Variants in PEPD observed in about 807,000 individuals in gnomAD.
PEPD encodes the protein xaa-Pro dipeptidase.
In PEPD, 53 loss-of-function variants were observed where a neutral mutation model predicts 60.7. That is an observed-to-expected ratio of 0.87 (90% CI 0.70 to 1.10). PEPD has a LOEUF of 1.10. PEPD is among the 50% of genes least tolerant of loss of function. The pLI is 0.00. For synonymous variants in PEPD, 267 were observed against 284.1 expected (o/e 0.94, Z 0.60); for missense variants, 711 against 711.9 (o/e 1.00, Z 0.01).
intron 9 of PEPD, among the ~76,000 whole-genome samples, chr19:33,457,709 AC>A (rs898027587): frequency 1.3e-5 from 2 of 152,188 alleles, no homozygotes; most frequent in African/African-American, 4.8e-5. Flanking sequence ...ACGCGGTTTC[AC>A]CGCGTTAGCC....
At chr19:33,498,729 GAGACA>G (rs1328477441) in intron 4 of PEPD, among the ~76,000 whole-genome samples, 19 of 151,766 alleles carry the variant, frequency 1.3e-4, no homozygotes, top group Admixed American at 6.6e-4. Flanking sequence ...CACAGTCCTT[GAGACA>G]GGGTCCTGGA....
intron 7 of PEPD, among the ~76,000 whole-genome samples, chr19:33,475,251 G>A (rs539375323): frequency 6.6e-6 from 1 of 152,090 alleles, no homozygotes; most frequent in East Asian, 1.9e-4. Flanking sequence ...CAGAGAGAGG[G>A]TGGTGAAGGC....
intron 9 of PEPD, among the ~76,000 whole-genome samples, chr19:33,446,681 C>G (rs927710358): frequency 1.3e-5 from 2 of 152,250 alleles, no homozygotes; most frequent in African/African-American, 4.8e-5. Context: ...ACCCCTTTTG[C>G]AAAAGCAGCA....
chr19:33,432,618 G>C (rs1004331033), intron 9 of PEPD, among the ~76,000 whole-genome samples: 1 of 152,240 alleles, frequency 6.6e-6, no homozygotes, highest in South Asian at 2.1e-4. Context: ...CTTTGTCCAG[G>C]AGGACTGTGC....
chr19:33,389,550 C>G (rs922440832), intron 13 of PEPD, among the ~76,000 whole-genome samples: 1 of 152,142 alleles, frequency 6.6e-6, no homozygotes, highest in Non-Finnish European at 1.5e-5. Flanking sequence ...CTGAAGTGTC[C>G]GTCCCTGTCT....
At chr19:33,452,103 G>A (rs953741851) in intron 9 of PEPD, among the ~76,000 whole-genome samples, 3 of 152,002 alleles carry the variant, frequency 2.0e-5, no homozygotes, top group East Asian at 1.9e-4. Context: ...AATAAGCCAC[G>A]AAGAAAAACT....
chr19:33,463,839 A>C (rs1969972385), intron 8 of PEPD, 148 bp downstream of exon 8: 1 of 705,672 alleles, frequency 1.4e-6, no homozygotes, highest in South Asian at 1.5e-5. Flanking sequence ...GGGAACAGAA[A>C]AGAGAACAAT....
chr19:33,403,505 G>T (rs1170115035), intron 11 of PEPD, among the ~76,000 whole-genome samples: 1 of 152,170 alleles, frequency 6.6e-6, no homozygotes, highest in African/African-American at 2.4e-5. Context: ...CAGCTCTCAC[G>T]GTAAACACAA....
chr19:33,421,269 C>T (rs1290729536), intron 9 of PEPD, among the ~76,000 whole-genome samples: 1 of 152,078 alleles, frequency 6.6e-6, no homozygotes, highest in Non-Finnish European at 1.5e-5. Flanking sequence ...TAGACAAAGC[C>T]CAACAGGTTT....
At chr19:33,498,695 C>T (rs1364005675) in intron 4 of PEPD, among the ~76,000 whole-genome samples, 1 of 151,026 alleles carries the variant, frequency 6.6e-6, no homozygotes. Flanking sequence ...GAGACAGGGT[C>T]CTGGAGACAG....
chr19:33,475,243 G>C (rs1398380746), intron 7 of PEPD, among the ~76,000 whole-genome samples: 1 of 152,036 alleles, frequency 6.6e-6, no homozygotes, highest in Non-Finnish European at 1.5e-5. Context: ...CCCTCCCACA[G>C]AGAGAGGGTG....
At chr19:33,410,036 TG>T (rs2145361743) in intron 11 of PEPD, among the ~76,000 whole-genome samples, 1 of 152,332 alleles carries the variant, frequency 6.6e-6, no homozygotes, top group South Asian at 2.1e-4. Context: ...CAGGGGGGAC[TG>T]GGGACTCGCC....
chr19:33,512,467 C>T (rs766511198), intron 2 of PEPD, 126 bp downstream of exon 2: 26 of 896,032 alleles, frequency 2.9e-5, no homozygotes, highest in East Asian at 5.1e-5. Context: ...ACTTCCCAGG[C>T]GAGGAAACAG....
rs538782779 is a variant in PEPD at position 33,392,477 on chromosome 19, TGGGGGCTGGGTTTG to T, written c.968-1012_968-999del. 2.3e-4 allele frequency among the ~76,000 whole-genome samples: 35 copies of T among 152,246 alleles called. No individual in the cohort carries two copies. In the East Asian group the frequency reaches 5.6e-3, roughly 24 times the overall value. ...GGTGAGGCCTCCTGCCCTGGCCCCATGGGGGCTGGGTTTGGGCAGGCCACGTGCTGGCAGAGGCC... is the reference window on the plus strand; with the variant it reads ...GGTGAGGCCTCCTGCCCTGGCCCCATGGCAGGCCACGTGCTGGCAGAGGCC... On this transcript the variant is annotated intron_variant, in intron 12 of 14. Transcript: ENST00000244137.
intron 6 of PEPD, among the ~76,000 whole-genome samples, chr19:33,480,285 A>T (rs1034893926): frequency 2.0e-5 from 3 of 152,210 alleles, no homozygotes; most frequent in Non-Finnish European, 4.4e-5. Flanking sequence ...CCTAAGATAC[A>T]AAGTTTTACT....
At chr19:33,413,799 C>T (rs201143002) in intron 9 of PEPD, among the ~76,000 whole-genome samples, 156 bp from the exon 10 acceptor site, 252 of 152,366 alleles carry the variant, frequency 1.7e-3, no homozygotes, top group African/African-American at 5.9e-3. Flanking sequence ...GTGAGGCTTA[C>T]AGCCTGGGGG....
chr19:33,389,455 C>A (rs1405548160), intron 13 of PEPD, among the ~76,000 whole-genome samples: 2 of 146,878 alleles, frequency 1.4e-5, no homozygotes, highest in African/African-American at 4.9e-5. Context: ...GGTCTCTGCT[C>A]CAGGACCTTC....
chr19:33,493,347 C>T lies in PEPD; in HGVS notation c.394-10G>A, dbSNP rs781780985. On this transcript the variant is annotated splice_polypyrimidine_tract_variant and intron_variant, in intron 4 of 14. Transcript: ENST00000244137. ...TCAGGACGCTGGCAATCTAGAAGGT[C>T]GGAAAGAAAAACCCACTTTAGAGGC... 26 of 1,611,064 alleles carry T rather than the reference C, an allele frequency of 1.6e-5. No homozygotes were observed. Among genetic ancestry groups the T allele is most frequent in the African/African-American group, 6.7e-5 (5 of 74,804 alleles).
At chr19:33,477,502 C>A (rs1413167819) in intron 7 of PEPD, among the ~76,000 whole-genome samples, 2 of 152,204 alleles carry the variant, frequency 1.3e-5, no homozygotes, top group Admixed American at 6.5e-5. Flanking sequence ...ACTGGTGGCA[C>A]ACTGGGATGC....
Sources: allele counts gnomAD v4.1 joint callset (sites outside exome capture counted in the v4.1 genomes callset), GRCh38; gene constraint gnomAD v4.1.1; transcripts MANE v1.5; gene names NCBI Gene and HGNC (gene_info 2026-07-23, HGNC 2026-07-21).